Variants in TEP1 observed in about 807,000 individuals in gnomAD.
The protein encoded by TEP1 is telomerase protein component 1.
In TEP1, 241 loss-of-function variants were observed where a neutral mutation model predicts 306.3. The observed-to-expected ratio is 0.79, with a 90% CI of 0.71 to 0.88. The LOEUF (loss-of-function observed/expected upper bound fraction) is 0.88. Among genes scored for constraint, TEP1 ranks in the 40% least tolerant of loss-of-function variants. The pLI, the probability that TEP1 is intolerant of heterozygous loss-of-function variation, is 0.00. For synonymous variants in TEP1, 1,289 were observed against 1,305.5 expected, an observed-to-expected ratio of 0.99 and a Z score of 0.27; for missense variants, 3,051 against 3,276.1, an observed-to-expected ratio of 0.93 and a Z score of 1.68.
At chr14:20,399,036 C>T (rs1878448847) in intron 9 of TEP1, among the ~76,000 whole-genome samples, 1 of 152,122 alleles carries the variant, frequency 6.6e-6, no homozygotes, top group Non-Finnish European at 1.5e-5. Context: ...GGACCACAGA[C>T]ATCAACCACC....
Position 20,381,025 on chromosome 14 carries a change from TC to T in TEP1, c.4667del (p.Gly1556AspfsTer55). 1 of 1,614,056 alleles carries T rather than the reference TC, an allele frequency of 6.2e-7. No individual in the cohort carries two copies. Among genetic ancestry groups the T allele is most frequent in the Non-Finnish European group, 8.5e-7 (1 of 1,179,980 alleles). ...GGTTGGTAAGGAACTTCGAAAGAAGTCCACGGTTCCCGCTCTGGAGCTGAGA... is the reference window on the plus strand; with the variant it reads ...GGTTGGTAAGGAACTTCGAAAGAAGTCACGGTTCCCGCTCTGGAGCTGAGA... ...PYHLLQSGNR[G>X]LLSKFLTNLH... On this transcript the variant is annotated frameshift_variant, in exon 33 of 55. Transcript: ENST00000262715. LOFTEE classifies it high-confidence loss of function. This position sits in a 1 kb window ranked among gnomAD's most constrained non-coding sequence, Gnocchi z 4.0.
intron 4 of TEP1, among the ~76,000 whole-genome samples, chr14:20,405,152 T>C (rs1879079132): frequency 6.6e-6 from 1 of 152,188 alleles, no homozygotes; most frequent in Non-Finnish European, 1.5e-5. Flanking sequence ...TTCAGAAATG[T>C]TCACTATCTA....
intron 25 of TEP1, 38 bp from the exon 26 acceptor site, chr14:20,383,682 A>G (rs767270300): frequency 8.4e-6 from 13 of 1,543,752 alleles, no homozygotes; most frequent in South Asian, 6.8e-5. Context: ...GTGGGAGAGA[A>G]AAAAAAAGCA....
At position 20,381,800 on chromosome 14, in the gene TEP1, G is replaced by A. The variant is rs564831685; in HGVS notation, c.4424+113C>T. The stretch of plus-strand genomic sequence containing the variant: ...AATAGCGGAAACTGGAGCAGCTGGA[G>A]CAGTAGCTCATTCATGGTCTGGGAG... On this transcript the variant is annotated intron_variant, in intron 30 of 54. Coordinates refer to ENST00000262715, the MANE Select transcript of TEP1 (RefSeq NM_007110.5). The surrounding 1 kb of genome is among the most constrained non-coding windows in gnomAD (Gnocchi z 4.0). 385 of 1,538,166 alleles carry A rather than the reference G, an allele frequency of 2.5e-4. 1 individual carries two copies. The African/African-American group carries it at 4.7e-3, about 19-fold the overall frequency.
rs1884488602 is a variant in TEP1, at chr14:20,366,651, G to C, written c.*1786C>G. 6.6e-6 allele frequency: 1 copy of C among 152,162 alleles called. No homozygotes were observed. The highest frequency in any genetic ancestry group is 2.1e-4 in the South Asian group (1 of 4,820). 9.4% of individuals were successfully genotyped at this position (152,162 alleles called of 1,614,324 possible). A position where few individuals can be genotyped will look rare whatever the true frequency, so the allele number is the denominator to read the frequency against. The stretch of plus-strand genomic sequence containing the variant: ...ATGTAAAACCTGGAATCAGGGTACA[G>C]TGAGAGTAAAACTCAGTGCCCTTTA... On this transcript the variant is annotated 3_prime_UTR_variant, in exon 55 of 55. Coordinates refer to ENST00000262715, the MANE Select transcript of TEP1 (RefSeq NM_007110.5).
intron 12 of TEP1, 132 bp from the exon 13 acceptor site, chr14:20,391,899 GCCC>G: frequency 1.1e-6 from 1 of 910,706 alleles, no homozygotes; most frequent in South Asian, 1.6e-5. Flanking sequence ...CGCTTCCACA[GCCC>G]ACTCCATTTC....
intron 1 of TEP1, among the ~76,000 whole-genome samples, chr14:20,411,772 A>T (rs1002206183): frequency 6.6e-6 from 1 of 152,236 alleles, no homozygotes; most frequent in South Asian, 2.1e-4. Flanking sequence ...CATAAACTGA[A>T]AATTAGAAAC....
intron 9 of TEP1, among the ~76,000 whole-genome samples, chr14:20,399,859 C>T (rs1354537919): frequency 1.3e-5 from 2 of 151,838 alleles, no homozygotes; most frequent in Non-Finnish European, 2.9e-5. Context: ...GAGATGGGTG[C>T]ATATAGAATT....
At chr14:20,375,723 G>A (rs1411453233) in intron 43 of TEP1, 32 bp downstream of exon 43, 2 of 1,496,184 alleles carry the variant, frequency 1.3e-6, no homozygotes, top group African/African-American at 1.4e-5. Flanking sequence ...GAACCCAGCT[G>A]GGCTCTGTGC....
rs144557772 is a variant in TEP1 at position 20,401,107 on chromosome 14, G to A, written c.1426C>T (p.Arg476Cys). ...CTAGAATCCCAAGGCCCAGGAAGGC[G>A]ACTTCGAGAAAAGAGCTGTAGGTTG... ...PSNLQLFSRSRLPGPWDSSRA... is the reference protein window; with the variant it reads ...PSNLQLFSRSCLPGPWDSSRA... Residue 476 changes from arginine to cysteine, a missense_variant, in exon 9 of 55, where the codon CGC becomes TGC. Arg to Cys is a radical substitution (Grantham distance 180, BLOSUM62 -3). This residue lies in a region of TEP1 where 1,507 missense variants were observed against 1,550.5 expected (regional missense o/e 0.97). Coordinates refer to ENST00000262715, the MANE Select transcript of TEP1 (RefSeq NM_007110.5). The A allele has an allele frequency of 5.0e-6, 8 of 1,614,000 alleles. No individual in the cohort carries two copies. The African/African-American group carries it at 5.3e-5, about 11-fold the overall frequency.
chr14:20,396,053 A>G (rs1878180011), intron 10 of TEP1, 104 bp from the exon 11 acceptor site: 1 of 716,474 alleles, frequency 1.4e-6, no homozygotes, highest in African/African-American at 1.8e-5. Flanking sequence ...GAAGGACAAA[A>G]TGAACTTAGA....
At chr14:20,370,087 T>A (rs1745711400) in intron 51 of TEP1, among the ~76,000 whole-genome samples, 1 of 152,176 alleles carries the variant, frequency 6.6e-6, no homozygotes, top group Non-Finnish European at 1.5e-5. Flanking sequence ...CTGATTTTTT[T>A]ATTTTTAGTA....
rs759188342 is a variant in TEP1, at chr14:20,378,764, C to A, written c.5342G>T (p.Gly1781Val). ...CRLLATVCLG[G>V]CLKLWDTVRG... ...GACCCCAAGTCTTACCTTTAGGCAT[C>A]CTCCCAAGCACACGGTGGCTAGCAG... Residue 1781 changes from glycine (G) to valine (V), a missense_variant, in exon 37 of 55, where the codon GGA becomes GTA. Physicochemically the swap from Gly to Val is moderately radical, Grantham distance 109. Transcript: ENST00000262715. 6.2e-7 allele frequency: 1 copy of A among 1,614,174 alleles called. No individual in the cohort carries two copies. The highest frequency in any genetic ancestry group is 8.5e-7 in the Non-Finnish European group (1 of 1,180,028).
chr14:20,375,035 G>A (rs1028164683), intron 43 of TEP1, among the ~76,000 whole-genome samples: 3 of 149,284 alleles, frequency 2.0e-5, no homozygotes, highest in African/African-American at 7.5e-5. Flanking sequence ...AGATTGCAGT[G>A]AGCAGAGATT....
At chr14:20,368,762 A>ACG (rs1555319355) in intron 54 of TEP1, 36 bp downstream of exon 54, 1,406 of 1,447,966 alleles carry the variant, frequency 9.7e-4, no homozygotes, top group Non-Finnish European at 1.2e-3. Context: ...GTGCAGGCGC[A>ACG]CGCACACACA....
At chr14:20,383,410 A>T (rs1876774505) in intron 26 of TEP1, 57 bp from the exon 27 acceptor site, 6 of 1,606,000 alleles carry the variant, frequency 3.7e-6, no homozygotes, top group Non-Finnish European at 3.4e-6. Flanking sequence ...ACCACATTGG[A>T]GAGGCCTCTC....
chr14:20,386,904 C>A (rs943504760), intron 18 of TEP1, among the ~76,000 whole-genome samples: 2 of 152,044 alleles, frequency 1.3e-5, no homozygotes, highest in African/African-American at 4.8e-5. Flanking sequence ...TAAGCACTAT[C>A]ATTATCTCCA....
rs1285145937 is a variant in TEP1 at position 20,391,062 on chromosome 14, A to C, written c.2132T>G (p.Met711Arg). The C allele has an allele frequency of 6.2e-7, 1 of 1,614,018 alleles. No individual in the cohort carries two copies. Among genetic ancestry groups the C allele is most frequent in the East Asian group, 2.2e-5 (1 of 44,898 alleles). The change falls in exon 14 of 55, where the codon ATG (methionine) becomes AGG (arginine). Residue 711 changes from methionine (M) to arginine (R), a missense_variant. Physicochemically the swap from Met to Arg is moderately conservative, Grantham distance 91. This residue lies in a region of TEP1 where 1,507 missense variants were observed against 1,550.5 expected (regional missense o/e 0.97). Coordinates refer to ENST00000262715, the MANE Select transcript of TEP1 (RefSeq NM_007110.5). Reference sequence around the variant, plus strand: ...CACCTGCTCCGCCCTCGTGATCATCATCCCAATCAACAGCAGTGCATAGTT... The same window carrying C: ...CACCTGCTCCGCCCTCGTGATCATCCTCCCAATCAACAGCAGTGCATAGTT... Reference protein sequence around the residue: ...PLNYALLLIGMMITRAEQVDV... With the variant: ...PLNYALLLIGRMITRAEQVDV...
intron 43 of TEP1, among the ~76,000 whole-genome samples, chr14:20,374,954 G>A (rs1395047072): frequency 6.6e-6 from 1 of 151,994 alleles, no homozygotes; most frequent in African/African-American, 2.4e-5. Flanking sequence ...AGCTGGGCAT[G>A]GTGGCAGGTG....
Sources: gnomAD v4.1 joint callset for allele counts (sites outside exome capture counted in the v4.1 genomes callset) on GRCh38, gnomAD v4.1.1 for gene constraint, gnomAD v4.1.1 regional missense constraint, Gnocchi (gnomAD v3.1) non-coding constraint, MANE v1.5 for transcripts, NCBI Gene and HGNC (gene_info 2026-07-23, HGNC 2026-07-21) for gene names.